Variants in GAB2 observed in about 807,000 individuals in gnomAD.
The protein encoded by GAB2 is GRB2 associated binding protein 2.
Under a neutral mutation model 65.5 loss-of-function variants are expected in GAB2, and 26 were observed. That is an observed-to-expected ratio of 0.40 (90% CI 0.29 to 0.55). The LOEUF (loss-of-function observed/expected upper bound fraction) is 0.55, where lower values mean the gene tolerates loss of function less well. Among genes scored for constraint, GAB2 ranks in the 20% least tolerant of loss-of-function variants. The pLI, the probability that GAB2 is intolerant of heterozygous loss-of-function variation, is 0.53. For synonymous variants in GAB2, 321 were observed against 329.6 expected (o/e 0.97, Z 0.28); for missense variants, 884 against 875.8 (o/e 1.01, Z -0.12).
intron 3 of GAB2, among the ~76,000 whole-genome samples, chr11:78,227,678 T>C (rs1590946552): frequency 6.8e-6 from 1 of 146,518 alleles, no homozygotes; most frequent in East Asian, 2.1e-4. Flanking sequence ...TGCACACCTG[T>C]AGTCCTAGCT....
At chr11:78,223,223 T>A (rs1471627542) in intron 6 of GAB2, among the ~76,000 whole-genome samples, 189 bp downstream of exon 6, 1 of 152,140 alleles carries the variant, frequency 6.6e-6, no homozygotes, top group East Asian at 1.9e-4. Flanking sequence ...CTAGATGCTC[T>A]CCTTTGCAGC....
chr11:78,325,027 C>G (rs1025295634), intron 1 of GAB2, among the ~76,000 whole-genome samples: 3 of 152,172 alleles, frequency 2.0e-5, no homozygotes, highest in Non-Finnish European at 4.4e-5. Flanking sequence ...TGGGAATTGG[C>G]AAACGATGCA....
intron 1 of GAB2, among the ~76,000 whole-genome samples, chr11:78,288,315 G>T (rs1866545203): frequency 7.0e-6 from 1 of 142,634 alleles, no homozygotes; most frequent in Non-Finnish European, 1.5e-5. Flanking sequence ...GGAGGTAGAG[G>T]TTTCAGTGAG....
intron 2 of GAB2, among the ~76,000 whole-genome samples, chr11:78,253,654 C>T (rs901103058): frequency 6.6e-6 from 1 of 152,090 alleles, no homozygotes; most frequent in African/African-American, 2.4e-5. Context: ...CTGTGCTTCC[C>T]TGTGTTTCAA....
At chr11:78,245,016 C>A (rs1865257893) in intron 3 of GAB2, among the ~76,000 whole-genome samples, 1 of 152,088 alleles carries the variant, frequency 6.6e-6, no homozygotes, top group Non-Finnish European at 1.5e-5. Flanking sequence ...GTCACGATAG[C>A]CAAGATAATG....
Position 78,401,279 on chromosome 11 carries a change from A to C in GAB2, c.75+16367T>G, listed in dbSNP as rs557225415. ...GCAAAACTGAAACTCTGTACCCATT[A>C]AACAATAGCTGCTCATTGTCCCCTA... On this transcript the variant is annotated intron_variant, in intron 1 of 9. Transcript: ENST00000361507. Among the ~76,000 whole-genome samples the C allele has an allele frequency of 4.6e-5, 7 of 152,272 alleles. No individual in the cohort carries two copies. The South Asian group carries it at 6.2e-4, about 14-fold the overall frequency.
chr11:78,265,382 A>G (rs1273324852), intron 2 of GAB2, among the ~76,000 whole-genome samples: 1 of 152,054 alleles, frequency 6.6e-6, no homozygotes, highest in Non-Finnish European at 1.5e-5. Flanking sequence ...CTTCACCTCT[A>G]GACACTCTGT....
At position 78,321,116 on chromosome 11, in the gene GAB2, T is replaced by C. The variant is rs532251516; in HGVS notation, c.76-40215A>G. On this transcript the variant is annotated intron_variant, in intron 1 of 9. Coordinates refer to ENST00000361507, the MANE Select transcript of GAB2 (RefSeq NM_080491.3). ...GGATTTGGTCTGAAAAGTTCATGCA[T>C]GGGTTGGAGATGTACATTTGGATGT... 2.0e-5 allele frequency among the ~76,000 whole-genome samples: 3 copies of C among 152,208 alleles called. No homozygotes were observed. The South Asian group carries it at 6.2e-4, about 32-fold the overall frequency.
intron 1 of GAB2, among the ~76,000 whole-genome samples, chr11:78,336,913 T>TTAGCATCTAGTCATTTCTA (rs1169134835): frequency 1.3e-5 from 2 of 152,238 alleles, no homozygotes; most frequent in African/African-American, 4.8e-5. Context: ...CTAAAATATG[T>TTAGCATCTAGTCATTTCTA]TAGCATCTAG....
At chr11:78,259,699 A>T (rs1399204438) in intron 2 of GAB2, among the ~76,000 whole-genome samples, 1 of 152,184 alleles carries the variant, frequency 6.6e-6, no homozygotes, top group Non-Finnish European at 1.5e-5. Flanking sequence ...GGGTCCCCAG[A>T]GTCCAGTCTC....
intron 1 of GAB2, among the ~76,000 whole-genome samples, chr11:78,342,552 G>T (rs1011477896): frequency 2.6e-5 from 4 of 152,028 alleles, no homozygotes; most frequent in Non-Finnish European, 4.4e-5. Context: ...GGGACTACAG[G>T]TGCCCGCCAG....
intron 3 of GAB2, among the ~76,000 whole-genome samples, chr11:78,242,024 T>C (rs1865148116): frequency 6.6e-6 from 1 of 152,212 alleles, no homozygotes; most frequent in Non-Finnish European, 1.5e-5. Context: ...TGACATTCTA[T>C]AGGACAGACC....
In GAB2 at chr11:78,407,722, A is replaced by AAAAGAAAG. The variant is rs3054215; in HGVS notation, c.75+9916_75+9923dup. 5.1e-3 allele frequency among the ~76,000 whole-genome samples: 734 copies of AAAAGAAAG among 144,210 alleles called. 7 individuals are homozygous for AAAAGAAAG. The highest frequency in any genetic ancestry group is 0.014 in the African/African-American group (539 of 38,266). 94.6% of individuals were successfully genotyped at this position (144,210 alleles called of 152,430 possible). On this transcript the variant is annotated intron_variant, in intron 1 of 9. Coordinates refer to ENST00000361507, the MANE Select transcript of GAB2 (RefSeq NM_080491.3). ...GAAAGAGATGGCATTTTCCGTCCCA[A>AAAAGAAAG]AAAGAAAGAAAGAAAGAAAGAAAGA...
At chr11:78,416,683 C>T (rs527734782) in intron 1 of GAB2, among the ~76,000 whole-genome samples, 2 of 152,178 alleles carry the variant, frequency 1.3e-5, no homozygotes, top group South Asian at 2.1e-4. Context: ...TCCAAACTCC[C>T]GCGACTACCC....
Position 78,342,699 on chromosome 11 carries a change from C to T in GAB2, c.76-61798G>A, listed in dbSNP as rs185992177. 2.4e-3 allele frequency among the ~76,000 whole-genome samples: 368 copies of T among 152,260 alleles called. 1 individual carries two copies. Among genetic ancestry groups the T allele is most frequent in the African/African-American group, 8.5e-3 (352 of 41,552 alleles). On this transcript the variant is annotated intron_variant, in intron 1 of 9. Transcript: ENST00000361507. ...CTGGGATTACAGGTGTGAACCACCG[C>T]GCCTGGCCTGCACTTCTTGTTAGAT... is the stretch of plus-strand genomic sequence containing the variant.
chr11:78,321,871 T>TAA (rs199889491), intron 1 of GAB2, among the ~76,000 whole-genome samples: 5 of 142,046 alleles, frequency 3.5e-5, no homozygotes, highest in African/African-American at 1.3e-4. Flanking sequence ...TTGACAAAGT[T>TAA]AAAAAAAAAA....
intron 1 of GAB2, among the ~76,000 whole-genome samples, chr11:78,371,337 G>C (rs1321887185): frequency 1.3e-5 from 2 of 152,198 alleles, no homozygotes; most frequent in Non-Finnish European, 2.9e-5. Flanking sequence ...CTATCCATCT[G>C]CTCCTTGTTG....
At chr11:78,300,685 G>T (rs574352695) in intron 1 of GAB2, among the ~76,000 whole-genome samples, 3,295 of 120,268 alleles carry the variant, frequency 0.027, 105 homozygotes, top group African/African-American at 0.095. Context: ...TTTTTTTTTG[G>T]TTTTTTTTTG....
intron 1 of GAB2, among the ~76,000 whole-genome samples, chr11:78,336,863 C>G (rs973786289): frequency 6.6e-6 from 1 of 152,002 alleles, no homozygotes; most frequent in Non-Finnish European, 1.5e-5. Context: ...CAAAATAAAC[C>G]AAAGAATTGA....
Sources: gnomAD v4.1 joint callset for allele counts (sites outside exome capture counted in the v4.1 genomes callset) on GRCh38, gnomAD v4.1.1 for gene constraint, MANE v1.5 for transcripts, NCBI Gene and HGNC (gene_info 2026-07-23, HGNC 2026-07-21) for gene names.